ANOS1: variants seen among roughly 807,000 people sequenced by gnomAD.
The protein encoded by ANOS1 is anosmin-1.
ANOS1 carries 6 observed loss-of-function variants against 59.0 expected under a neutral mutation model. The observed-to-expected ratio is 0.10, with a 90% confidence interval of 0.06 to 0.20. The LOEUF (loss-of-function observed/expected upper bound fraction) is 0.20, where lower values mean the gene tolerates loss of function less well. ANOS1 is among the 10% of genes least tolerant of loss of function. The probability of loss-of-function intolerance (pLI) is 1.00; values close to 1 mark genes in which losing one functional copy is unlikely to be tolerated. For missense variants in ANOS1, 433 were observed against 542.3 expected (o/e 0.80, Z 2.00); for synonymous variants, 217 against 223.4 (o/e 0.97, Z 0.25).
At chrX:8,683,009 C>T (rs745307603) in intron 2 of ANOS1, among the ~76,000 whole-genome samples, 1 of 111,177 alleles carries the variant, frequency 9.0e-6, no homozygotes, top group African/African-American at 3.3e-5. Context: ...GGAGGTGGGG[C>T]CCGGGAATCT....
Position 8,730,580 on chromosome X carries a change from A to AC in ANOS1, c.207+1249dup, listed in dbSNP as rs61212461. On this transcript the variant is annotated intron_variant, in intron 1 of 13. Coordinates refer to ENST00000262648, the MANE Select transcript of ANOS1 (RefSeq NM_000216.4). ...CTTAATTCCCAGGGCCTCTAGGGGGACCCCCCCCCCCACCCCTTGACCCAG... is the reference window on the plus strand; with the variant it reads ...CTTAATTCCCAGGGCCTCTAGGGGGACCCCCCCCCCCCACCCCTTGACCCAG... Among the ~76,000 whole-genome samples the AC allele has an allele frequency of 4.9e-3, 388 of 79,303 alleles. 1 individual carries two copies. The highest frequency in any genetic ancestry group is 0.015 in the South Asian group (15 of 1,003). The allele number at this position is 79,303 out of a possible 115,157, so 68.9% of individuals were successfully genotyped here.
intron 5 of ANOS1, among the ~76,000 whole-genome samples, chrX:8,585,994 G>A (rs1434423527): frequency 8.9e-6 from 1 of 112,206 alleles, no homozygotes; most frequent in African/African-American, 3.2e-5. Context: ...CACTGGGGAA[G>A]ATCAGAAGGT....
intron 1 of ANOS1, among the ~76,000 whole-genome samples, chrX:8,721,928 T>C (rs1338797549): frequency 8.9e-6 from 1 of 112,378 alleles, no homozygotes; most frequent in East Asian, 2.8e-4. Context: ...GACCACACTG[T>C]TGCAAGACTC....
chrX:8,659,501 C>T (rs1931992870), intron 2 of ANOS1, among the ~76,000 whole-genome samples: 1 of 106,099 alleles, frequency 9.4e-6, no homozygotes, highest in African/African-American at 3.4e-5. Flanking sequence ...TTCCTTCTCT[C>T]CCTCCCTGCT....
At chrX:8,664,253 C>T (rs761749123) in intron 2 of ANOS1, among the ~76,000 whole-genome samples, 5 of 111,923 alleles carry the variant, frequency 4.5e-5, no homozygotes, top group South Asian at 3.8e-4. Flanking sequence ...TGCAGTGGCG[C>T]GATCTTGGCT....
In ANOS1 at chrX:8,554,109, G is replaced by A; in HGVS notation, c.1208-11C>T. On this transcript the variant is annotated splice_polypyrimidine_tract_variant and intron_variant, in intron 8 of 13. Transcript: ENST00000262648. ...TCACAAGCTGTTCTTCTACAACAAA[G>A]TACAACATTCTAAGTTACTTGTTAA... is the stretch of plus-strand genomic sequence containing the variant. 8.4e-7 allele frequency: 1 copy of A among 1,186,211 alleles called. No homozygotes were observed. The highest frequency in any genetic ancestry group is 1.1e-6 in the Non-Finnish European group (1 of 872,974).
chrX:8,559,711 C>T (rs996681900), intron 8 of ANOS1, among the ~76,000 whole-genome samples: 2 of 111,973 alleles, frequency 1.8e-5, no homozygotes, highest in Admixed American at 9.5e-5. Context: ...CAGAATGGAC[C>T]AGCACTACTT....
At chrX:8,594,699 C>CAT (rs1930695371) in intron 4 of ANOS1, among the ~76,000 whole-genome samples, 1 of 26,647 alleles carries the variant, frequency 3.8e-5, no homozygotes, top group Admixed American at 5.0e-4. Context: ...TATATATATA[C>CAT]ACATATATAT....
chrX:8,602,769 T>C (rs766898593), intron 3 of ANOS1, among the ~76,000 whole-genome samples: 11 of 110,855 alleles, frequency 9.9e-5, no homozygotes, highest in Admixed American at 1.9e-4. Context: ...TGAGAGAGTC[T>C]CACTCTGTCG....
intron 2 of ANOS1, among the ~76,000 whole-genome samples, chrX:8,656,902 T>C (rs1382034581): frequency 8.9e-6 from 1 of 111,905 alleles, no homozygotes; most frequent in Non-Finnish European, 1.9e-5. Context: ...CTGTTGTCCC[T>C]ACCCCTGGGA....
chrX:8,685,741 C>T (rs1932512655), intron 2 of ANOS1, among the ~76,000 whole-genome samples: 1 of 110,856 alleles, frequency 9.0e-6, no homozygotes, highest in African/African-American at 3.3e-5. Flanking sequence ...AAAGAGTGCA[C>T]GAGCAAGATT....
At chrX:8,717,356 A>G (rs908221309) in intron 1 of ANOS1, among the ~76,000 whole-genome samples, 1 of 111,970 alleles carries the variant, frequency 8.9e-6, no homozygotes, top group Admixed American at 9.5e-5. Context: ...CGACTAGTCT[A>G]TATTTGTTTT....
At chrX:8,615,719 A>G (rs1211143784) in intron 3 of ANOS1, among the ~76,000 whole-genome samples, 2 of 110,744 alleles carry the variant, frequency 1.8e-5, no homozygotes, top group Non-Finnish European at 3.8e-5. Flanking sequence ...ACACCCACCA[A>G]TGCAGCTGCA....
rs1601944328 is a variant in ANOS1, at chrX:8,534,527, G to A, written c.1843-67C>T. The A allele has an allele frequency of 3.6e-6, 4 of 1,110,152 alleles. No individual in the cohort carries two copies. In the East Asian group the frequency reaches 1.2e-4, roughly 34 times the overall value. The allele number at this position is 1,110,152 out of a possible 1,213,427, so 91.5% of individuals were successfully genotyped here. On this transcript the variant is annotated intron_variant, in intron 12 of 13. Transcript: ENST00000262648. ...TCAGAGACAACATGCAATGCACAGA[G>A]AGCCTAGAACAGTTTTTCCCCCACT...
At chrX:8,542,978 G>A (rs34244961) in intron 9 of ANOS1, among the ~76,000 whole-genome samples, 3 of 111,105 alleles carry the variant, frequency 2.7e-5, no homozygotes, top group African/African-American at 9.8e-5. Flanking sequence ...CACTCCTCTC[G>A]TTCCCAATGT....
chrX:8,676,107 A>G (rs1324317906), intron 2 of ANOS1, among the ~76,000 whole-genome samples: 1 of 110,970 alleles, frequency 9.0e-6, no homozygotes, highest in Non-Finnish European at 1.9e-5. Flanking sequence ...TGTATCATAT[A>G]TTTTTTACTT....
At chrX:8,577,124 G>C (rs774458947) in intron 6 of ANOS1, among the ~76,000 whole-genome samples, 1 of 112,003 alleles carries the variant, frequency 8.9e-6, no homozygotes, top group Non-Finnish European at 1.9e-5. Context: ...CTAGTTGGGA[G>C]AATTTCAAAA....
At chrX:8,649,324 G>A (rs1931812767) in intron 2 of ANOS1, among the ~76,000 whole-genome samples, 1 of 111,879 alleles carries the variant, frequency 8.9e-6, no homozygotes, top group South Asian at 3.7e-4. Flanking sequence ...TACTGCTGAG[G>A]ATTTTATGAC....
intron 2 of ANOS1, among the ~76,000 whole-genome samples, chrX:8,634,876 A>G (rs150049671): frequency 1.8e-5 from 2 of 111,610 alleles, no homozygotes; most frequent in Non-Finnish European, 1.9e-5. Flanking sequence ...CAAATGCTTC[A>G]GATCTGAAAC....
Sources: gnomAD v4.1 joint callset for allele counts (sites outside exome capture counted in the v4.1 genomes callset) on GRCh38, gnomAD v4.1.1 for gene constraint, MANE v1.5 for transcripts, NCBI Gene and HGNC (gene_info 2026-07-23, HGNC 2026-07-21) for gene names.